ITPR2: variants seen among roughly 807,000 people sequenced by gnomAD.
The protein encoded by ITPR2 is inositol 1,4,5-trisphosphate-gated calcium channel ITPR2.
Under a neutral mutation model 317.1 loss-of-function variants are expected in ITPR2, and 207 were observed. The observed-to-expected ratio is 0.65, with a 90% confidence interval of 0.58 to 0.73. ITPR2 has a LOEUF of 0.73. ITPR2 is among the 30% of genes least tolerant of loss of function. The pLI is 0.00. For missense variants in ITPR2, 2,613 were observed against 3,284.0 expected (o/e 0.80, Z 4.99); for synonymous variants, 1,156 against 1,149.1 (o/e 1.01, Z -0.12).
chr12:26,803,986 T>C (rs1025214357), intron 1 of ITPR2, among the ~76,000 whole-genome samples: 8 of 152,266 alleles, frequency 5.3e-5, no homozygotes, highest in South Asian at 2.1e-4. Flanking sequence ...ATATCACATG[T>C]ACTCCCAAAA....
chr12:26,595,714 A>G, intron 31 of ITPR2, 124 bp from the exon 32 acceptor site: 2 of 779,992 alleles, frequency 2.6e-6, no homozygotes, highest in East Asian at 5.9e-5. Flanking sequence ...AGTTTTGTCT[A>G]TCCAGAAAGT....
chr12:26,339,303 A>C lies in ITPR2; in HGVS notation c.*94T>G. 5.6e-6 allele frequency: 6 copies of C among 1,067,714 alleles called. No homozygotes were observed. The South Asian group carries it at 8.3e-5, about 15-fold the overall frequency. The allele number at this position is 1,067,714 out of a possible 1,614,324, so 66.1% of individuals were successfully genotyped here. A position where few individuals can be genotyped will look rare whatever the true frequency, so the allele number is the denominator to read the frequency against. ...ACTTGGTTGTTTTTAACTTTTCAAC[A>C]ATAGGCACTGTTCACTCCCCTCCAT... On this transcript the variant is annotated 3_prime_UTR_variant, in exon 57 of 57. Coordinates refer to ENST00000381340, the MANE Select transcript of ITPR2 (RefSeq NM_002223.4).
intron 14 of ITPR2, among the ~76,000 whole-genome samples, chr12:26,664,810 G>A (rs910426878): frequency 2.0e-4 from 31 of 151,740 alleles, no homozygotes; most frequent in African/African-American, 5.8e-4. Context: ...ATAATTACTC[G>A]AAAAAAGTCC....
intron 34 of ITPR2, among the ~76,000 whole-genome samples, chr12:26,569,716 A>G (rs910470532): frequency 6.6e-6 from 1 of 152,180 alleles, no homozygotes; most frequent in Non-Finnish European, 1.5e-5. Flanking sequence ...AGGAAATATC[A>G]ATCATTTAAT....
chr12:26,494,368 A>AC, intron 38 of ITPR2, 28 bp from the exon 39 acceptor site: 1 of 1,473,578 alleles, frequency 6.8e-7, no homozygotes, highest in Non-Finnish European at 9.3e-7. Flanking sequence ...AAATAAATAA[A>AC]CCTTAATTGT....
chr12:26,359,700 T>G (rs1938761067), intron 55 of ITPR2, among the ~76,000 whole-genome samples: 1 of 151,966 alleles, frequency 6.6e-6, no homozygotes, highest in Non-Finnish European at 1.5e-5. Context: ...AACATATGGT[T>G]TGGGGCAAAG....
Position 26,758,770 on chromosome 12 carries a change from T to G in ITPR2, c.163+31387A>C, listed in dbSNP as rs569659643. The stretch of plus-strand genomic sequence containing the variant: ...GTGGCTGCCTACATAGAACGAGGTA[T>G]ATGGATGGCAGAAGAATTTCCTACA... On this transcript the variant is annotated intron_variant, in intron 2 of 56. Transcript: ENST00000381340. 2.6e-5 allele frequency among the ~76,000 whole-genome samples: 4 copies of G among 152,340 alleles called. No individual in the cohort carries two copies. In the South Asian group the frequency reaches 8.3e-4, roughly 32 times the overall value.
intron 37 of ITPR2, among the ~76,000 whole-genome samples, chr12:26,521,870 C>T (rs941601433): frequency 6.6e-6 from 1 of 152,190 alleles, no homozygotes; most frequent in Non-Finnish European, 1.5e-5. Flanking sequence ...GCTATCCCTA[C>T]ATCACTAACT....
intron 37 of ITPR2, among the ~76,000 whole-genome samples, chr12:26,515,000 T>C (rs1402796124): frequency 6.6e-6 from 1 of 152,170 alleles, no homozygotes; most frequent in East Asian, 1.9e-4. Flanking sequence ...TGGAAAATTA[T>C]CCTCCTAAAT....
chr12:26,825,427 G>A (rs1330190302), intron 1 of ITPR2, among the ~76,000 whole-genome samples: 4 of 151,994 alleles, frequency 2.6e-5, no homozygotes, highest in Non-Finnish European at 5.9e-5. Flanking sequence ...AAGACCCTCT[G>A]CCTGGAATTT....
rs1236623276 is a variant in ITPR2 at position 26,461,621 on chromosome 12, CATATAAAT to C, written c.6342+13667_6342+13674del. 5.3e-3 allele frequency among the ~76,000 whole-genome samples: 630 copies of C among 119,336 alleles called. 16 individuals carry two copies. Among genetic ancestry groups the C allele is most frequent in the Middle Eastern group, 0.022 (5 of 226 alleles). 78.3% of individuals were successfully genotyped at this position (119,336 alleles called of 152,430 possible). The stretch of plus-strand genomic sequence containing the variant: ...AAGCTGACAATAAGAAAAAGAAAAG[CATATAAAT>C]ATATATATATATATATATATATATA... On this transcript the variant is annotated intron_variant, in intron 45 of 56. Transcript: ENST00000381340.
intron 7 of ITPR2, 47 bp downstream of exon 7, chr12:26,715,705 A>T (rs1232265155): frequency 8.2e-7 from 1 of 1,225,060 alleles, no homozygotes; most frequent in Admixed American, 1.8e-5. Flanking sequence ...TTTCAGTAAG[A>T]CTACCATCAT....
rs1948907411 is a variant in ITPR2, at chr12:26,725,675, T to G, written c.254A>C (p.Glu85Ala). 1 of 1,613,076 alleles carries G rather than the reference T, an allele frequency of 6.2e-7. No homozygotes were observed. The highest frequency in any genetic ancestry group is 1.1e-5 in the South Asian group (1 of 91,044). ...AKQAKQGNHTEAALLKKLQHA... is the reference protein window; with the variant it reads ...AKQAKQGNHTAAALLKKLQHA... ...CTGTAGTTTCTTCAGCAAGGCTGCC[T>G]CGGTGTGGTTCCCTTGTTTGGCTTG... The change falls in exon 3 of 57, where the codon GAG (glutamate) becomes GCG (alanine). Residue 85 changes from glutamate to alanine, a missense_variant. Transcript: ENST00000381340.
intron 40 of ITPR2, chr12:26,486,821 C>A (rs1420804932): frequency 1.5e-6 from 1 of 648,290 alleles, no homozygotes; most frequent in Non-Finnish European, 2.8e-6. Flanking sequence ...ATTTACCATG[C>A]ATGCCACAAT....
Position 26,342,504 on chromosome 12 carries a change from G to C in ITPR2, c.7858-2176C>G, listed in dbSNP as rs1410613837. 1.0e-4 allele frequency among the ~76,000 whole-genome samples: 6 copies of C among 58,244 alleles called. 1 individual carries two copies. The highest frequency in any genetic ancestry group is 1.6e-4 in the Admixed American group (1 of 6,412). The allele number at this position is 58,244 out of a possible 152,430, so 38.2% of individuals were successfully genotyped here. A position where few individuals can be genotyped will look rare whatever the true frequency, so the allele number is the denominator to read the frequency against. ...GTGTTTGGGTCACGGCGGTGGGGGG[G>C]GGGGGGGGGCGGGGGTCAGATCCCT... On this transcript the variant is annotated intron_variant, in intron 55 of 56. Coordinates refer to ENST00000381340, the MANE Select transcript of ITPR2 (RefSeq NM_002223.4).
At chr12:26,400,384 CAT>C (rs1451641228) in intron 52 of ITPR2, 126 bp from the exon 53 acceptor site, 6 of 384,224 alleles carry the variant, frequency 1.6e-5, no homozygotes, top group Non-Finnish European at 2.6e-5. Flanking sequence ...AATTTATACA[CAT>C]ATGTAAATAT....
Position 26,527,865 on chromosome 12 carries a change from C to T in ITPR2, c.5073+22382G>A, listed in dbSNP as rs78727594. ...AGGTCAATAGGGAAGTGCCCTTCTC[C>T]TTACCTCATGTGCCCCAGGTGGAGG... is the stretch of plus-strand genomic sequence containing the variant. On this transcript the variant is annotated intron_variant, in intron 37 of 56. Coordinates refer to ENST00000381340, the MANE Select transcript of ITPR2 (RefSeq NM_002223.4). 4.6e-3 allele frequency among the ~76,000 whole-genome samples: 705 copies of T among 152,336 alleles called. 4 individuals are homozygous for T. The highest frequency in any genetic ancestry group is 8.2e-3 in the Non-Finnish European group (560 of 68,032).
In ITPR2 at chr12:26,723,633, C is replaced by T. The variant is rs552469258; in HGVS notation, c.366+1023G>A. On this transcript the variant is annotated intron_variant, in intron 4 of 56. Transcript: ENST00000381340. ...GCCGACCCAGCTTCTCTCATCTTAT[C>T]CCAACAGTGCACTGCTTTGACTGCC... 6.0e-4 allele frequency among the ~76,000 whole-genome samples: 92 copies of T among 152,312 alleles called. 3 individuals carry two copies. In the South Asian group the frequency reaches 0.018, roughly 31 times the overall value.
At chr12:26,607,923 A>T (rs1377934736) in intron 26 of ITPR2, among the ~76,000 whole-genome samples, 1 of 152,092 alleles carries the variant, frequency 6.6e-6, no homozygotes, top group Non-Finnish European at 1.5e-5. Context: ...TACTAAAAAA[A>T]TACAAAAAAA....
Sources: allele counts gnomAD v4.1 joint callset (sites outside exome capture counted in the v4.1 genomes callset), GRCh38; gene constraint gnomAD v4.1.1; transcripts MANE v1.5; gene names NCBI Gene and HGNC (gene_info 2026-07-23, HGNC 2026-07-21).